Variants in LRRC49 observed in about 807,000 individuals in gnomAD.
LRRC49 encodes leucine-rich repeat-containing protein 49.
A neutral mutation model predicts 83.3 loss-of-function variants in LRRC49; 50 were observed. The ratio of observed to expected loss-of-function variants is 0.60; its 90% CI spans 0.48 to 0.76. The LOEUF (loss-of-function observed/expected upper bound fraction) is 0.76, where lower values mean the gene tolerates loss of function less well. Among genes scored for constraint, LRRC49 ranks in the 30% least tolerant of loss-of-function variants. The probability of loss-of-function intolerance (pLI) is 0.00; values close to 1 mark genes in which losing one functional copy is unlikely to be tolerated. For synonymous variants in LRRC49, 286 were observed against 283.3 expected, an observed-to-expected ratio of 1.01 and a Z score of -0.10; for missense variants, 704 against 809.1, an observed-to-expected ratio of 0.87 and a Z score of 1.58.
chr15:70,973,735 CTG>C (rs1324921828), intron 9 of LRRC49, among the ~76,000 whole-genome samples: 1 of 152,080 alleles, frequency 6.6e-6, no homozygotes, highest in African/African-American at 2.4e-5. Context: ...CTTTGTGGCA[CTG>C]TGGTTTTTTT....
At chr15:70,966,735 G>C (rs1298797565) in intron 9 of LRRC49, among the ~76,000 whole-genome samples, 1 of 152,034 alleles carries the variant, frequency 6.6e-6, no homozygotes, top group Non-Finnish European at 1.5e-5. Flanking sequence ...TTTTGGCCTA[G>C]AGGCACTGTG....
chr15:70,864,203 T>C (rs562744021), intron 1 of LRRC49, among the ~76,000 whole-genome samples: 3 of 152,170 alleles, frequency 2.0e-5, no homozygotes, highest in South Asian at 4.2e-4. Context: ...ATAACATTAG[T>C]GGGTAAAAGG....
intron 8 of LRRC49, among the ~76,000 whole-genome samples, chr15:70,957,188 A>G (rs2036433056): frequency 6.6e-6 from 1 of 152,248 alleles, no homozygotes; most frequent in Non-Finnish European, 1.5e-5. Context: ...GGAATACTTG[A>G]GAGACAGGGC....
At chr15:70,928,162 A>G (rs2035278176) in intron 7 of LRRC49, among the ~76,000 whole-genome samples, 1 of 152,142 alleles carries the variant, frequency 6.6e-6, no homozygotes, top group African/African-American at 2.4e-5. Flanking sequence ...TCGTCTACGT[A>G]ATATATACCA....
At chr15:70,928,519 A>G (rs1224972254) in intron 7 of LRRC49, among the ~76,000 whole-genome samples, 1 of 151,832 alleles carries the variant, frequency 6.6e-6, no homozygotes, top group African/African-American at 2.4e-5. Flanking sequence ...AAATCTGCAG[A>G]TTCATAACTT....
intron 1 of LRRC49, among the ~76,000 whole-genome samples, chr15:70,861,825 C>T (rs1208591983): frequency 1.3e-5 from 2 of 151,788 alleles, no homozygotes; most frequent in Admixed American, 6.6e-5. Flanking sequence ...CTCGGGAGGC[C>T]GAGGCAGAAG....
At chr15:71,047,614 T>C (rs2039890371) in intron 15 of LRRC49, among the ~76,000 whole-genome samples, 2 of 152,218 alleles carry the variant, frequency 1.3e-5, no homozygotes, top group South Asian at 4.1e-4. Context: ...ATAGAAATCA[T>C]ATTGTCAGCA....
intron 11 of LRRC49, among the ~76,000 whole-genome samples, chr15:70,985,573 G>A (rs895769376): frequency 6.6e-6 from 1 of 152,124 alleles, no homozygotes; most frequent in Non-Finnish European, 1.5e-5. Context: ...CTCCCATTTT[G>A]TAAGTTGCCT....
chr15:70,920,022 G>T (rs1377242594), intron 7 of LRRC49, among the ~76,000 whole-genome samples: 1 of 152,114 alleles, frequency 6.6e-6, no homozygotes, highest in Non-Finnish European at 1.5e-5. Context: ...TAACTGTTCT[G>T]CTTTGTGATA....
intron 9 of LRRC49, among the ~76,000 whole-genome samples, chr15:70,975,534 T>C (rs925707814): frequency 9.2e-5 from 14 of 151,788 alleles, no homozygotes; most frequent in Non-Finnish European, 2.1e-4. Context: ...CTACAAAAAA[T>C]ACAAAAAATT....
intron 7 of LRRC49, among the ~76,000 whole-genome samples, chr15:70,924,669 A>G (rs376438188): frequency 1.3e-5 from 2 of 152,084 alleles, no homozygotes; most frequent in East Asian, 3.9e-4. Context: ...GGATTTGCCC[A>G]CATGCTTGTT....
At chr15:70,953,016 A>G (rs1482122086) in intron 8 of LRRC49, among the ~76,000 whole-genome samples, 8 of 151,996 alleles carry the variant, frequency 5.3e-5, no homozygotes, top group Admixed American at 3.9e-4. Context: ...TTGAGCCTAT[A>G]TATGTTGTTA....
At chr15:70,940,439 T>G (rs1596044438) in intron 8 of LRRC49, among the ~76,000 whole-genome samples, 2 of 152,106 alleles carry the variant, frequency 1.3e-5, no homozygotes, top group Admixed American at 1.3e-4. Context: ...TTGTGTGTGT[T>G]TTTAGCAGAG....
At chr15:70,912,218 A>G (rs769229498) in intron 6 of LRRC49, among the ~76,000 whole-genome samples, 2 of 152,052 alleles carry the variant, frequency 1.3e-5, no homozygotes, top group Admixed American at 6.5e-5. Context: ...CCAGTTTCTT[A>G]TTGATAGACA....
intron 3 of LRRC49, among the ~76,000 whole-genome samples, chr15:70,897,598 A>G (rs552980640): frequency 6.6e-6 from 1 of 152,266 alleles, no homozygotes; most frequent in African/African-American, 2.4e-5. Flanking sequence ...AAGTTTAGGG[A>G]TGTCTGTCTA....
At chr15:70,894,609 A>G (rs2033751097) in intron 2 of LRRC49, 2 of 1,287,394 alleles carry the variant, frequency 1.6e-6, no homozygotes, top group African/African-American at 3.0e-5. Context: ...CTATGTCTCA[A>G]GACACAACAT....
chr15:70,895,302 A>G (rs756727502), intron 2 of LRRC49, among the ~76,000 whole-genome samples: 4 of 152,192 alleles, frequency 2.6e-5, no homozygotes, highest in Non-Finnish European at 4.4e-5. Flanking sequence ...AGGCTTAAAT[A>G]TACAATTTTA....
chr15:71,033,514 C>T, intron 14 of LRRC49, among the ~76,000 whole-genome samples: 1 of 152,130 alleles, frequency 6.6e-6, no homozygotes, highest in East Asian at 1.9e-4. Context: ...CATTGACATT[C>T]TTCACAGAAT....
At chr15:71,007,310 G>T (rs2038491683) in intron 11 of LRRC49, among the ~76,000 whole-genome samples, 1 of 151,854 alleles carries the variant, frequency 6.6e-6, no homozygotes, top group African/African-American at 2.4e-5. Context: ...CCCCAAAGAT[G>T]AAAAAATATA....
Sources: gnomAD v4.1 joint callset for allele counts (sites outside exome capture counted in the v4.1 genomes callset) on GRCh38, gnomAD v4.1.1 for gene constraint, MANE v1.5 for transcripts, NCBI Gene and HGNC (gene_info 2026-07-23, HGNC 2026-07-21) for gene names.